Variants in SPIRE1 observed in about 807,000 individuals in gnomAD.
The protein encoded by SPIRE1 is spire type actin nucleation factor 1.
SPIRE1 carries 40 observed loss-of-function variants against 94.1 expected under a neutral mutation model. The observed-to-expected ratio is 0.43, with a 90% CI of 0.33 to 0.55. SPIRE1 has a LOEUF of 0.55. SPIRE1 is among the 20% of genes least tolerant of loss of function. SPIRE1 has a pLI of 0.06. For missense variants in SPIRE1, 838 were observed against 975.2 expected (o/e 0.86, Z 1.87); for synonymous variants, 376 against 371.7 (o/e 1.01, Z -0.13).
chr18:12,623,006 T>C lies in SPIRE1; in HGVS notation c.372+12056A>G, dbSNP rs62097151. ...GACTCTAAGAATGGCACACAACAGA[T>C]GCTCAATTAATGTGTCAATATTGTT... On this transcript the variant is annotated intron_variant, in intron 2 of 16. Transcript: ENST00000409402. 5.0e-3 allele frequency among the ~76,000 whole-genome samples: 766 copies of C among 152,304 alleles called. 6 individuals are homozygous for C. The highest frequency in any genetic ancestry group is 0.018 in the South Asian group (87 of 4,824).
At chr18:12,613,640 C>T (rs949068204) in intron 2 of SPIRE1, among the ~76,000 whole-genome samples, 1 of 152,080 alleles carries the variant, frequency 6.6e-6, no homozygotes, top group African/African-American at 2.4e-5. Context: ...TGGCTCACAC[C>T]TGTAATCCCA....
At position 12,463,405 on chromosome 18, in the gene SPIRE1, C is replaced by T. The variant is rs772327622; in HGVS notation, c.1584G>A (p.Thr528=). 1.1e-5 allele frequency: 17 copies of T among 1,613,904 alleles called. No individual in the cohort carries two copies. The highest frequency in any genetic ancestry group is 6.7e-5 in the Admixed American group (4 of 60,006). The change falls in exon 12 of 17, where the codon ACG becomes ACA. Residue 528 remains threonine (T), a synonymous_variant. Coordinates refer to ENST00000409402, the MANE Select transcript of SPIRE1 (RefSeq NM_001128626.2). ...PQRRHSIEKE[T]PTNVRQFLPP... ...GCAGGAACTGCCTCACGTTAGTAGG[C>T]GTTTCCTTTTCAATGGAATGTCGTC...
intron 12 of SPIRE1, among the ~76,000 whole-genome samples, chr18:12,461,527 G>GCACGTACA: frequency 1.4e-5 from 1 of 73,820 alleles, no homozygotes; most frequent in Non-Finnish European, 3.2e-5. Context: ...CATATGTGTG[G>GCACGTACA]TATGTACGTA....
chr18:12,550,550 T>C (rs774106069), intron 2 of SPIRE1, among the ~76,000 whole-genome samples: 2 of 152,132 alleles, frequency 1.3e-5, no homozygotes, highest in African/African-American at 4.8e-5. Flanking sequence ...TCTGCAGAGA[T>C]GAGGTCTTGC....
At chr18:12,563,931 A>G (rs2035753061) in intron 2 of SPIRE1, among the ~76,000 whole-genome samples, 1 of 152,192 alleles carries the variant, frequency 6.6e-6, no homozygotes, top group Non-Finnish European at 1.5e-5. Context: ...TTTTCTAATG[A>G]ACAAAAATCA....
chr18:12,607,226 T>G (rs2037003777), intron 2 of SPIRE1, among the ~76,000 whole-genome samples: 1 of 152,196 alleles, frequency 6.6e-6, no homozygotes, highest in Non-Finnish European at 1.5e-5. Flanking sequence ...AGCAGTTCGT[T>G]TTTTTAGAAA....
intron 12 of SPIRE1, among the ~76,000 whole-genome samples, chr18:12,454,944 T>C (rs2031440498): frequency 1.3e-5 from 2 of 152,070 alleles, no homozygotes; most frequent in South Asian, 4.1e-4. Flanking sequence ...GGTCCTTTTT[T>C]TTTTTTTCCA....
intron 1 of SPIRE1, among the ~76,000 whole-genome samples, chr18:12,651,394 T>C (rs915766428): frequency 3.3e-5 from 5 of 152,126 alleles, no homozygotes; most frequent in Admixed American, 6.6e-5. Flanking sequence ...AAACATTTTT[T>C]TGCTGGGTGC....
At chr18:12,545,682 A>G (rs1173910107) in intron 3 of SPIRE1, among the ~76,000 whole-genome samples, 1 of 152,206 alleles carries the variant, frequency 6.6e-6, no homozygotes, top group African/African-American at 2.4e-5. Context: ...ATAACCAACC[A>G]AACTTGCTTC....
rs755894289 is a variant in SPIRE1 at position 12,512,495 on chromosome 18, C to G, written c.766G>C (p.Glu256Gln). The change falls in exon 5 of 17, where the codon GAA becomes CAA. Residue 256 changes from glutamate to glutamine, a missense_variant. This residue lies in a region of SPIRE1 where 645 missense variants were observed against 804.7 expected (regional missense o/e 0.80). Coordinates refer to ENST00000409402, the MANE Select transcript of SPIRE1 (RefSeq NM_001128626.2). Reference sequence around the variant, plus strand: ...AGCTCTTCCAAGTCTGTGCTAGATTCATCGCTCTTTTCCATTTCTTGAATC... The same window carrying G: ...AGCTCTTCCAAGTCTGTGCTAGATTGATCGCTCTTTTCCATTTCTTGAATC... ...KKIQEMEKSD[E>Q]SSTDLEELKN... The G allele has an allele frequency of 1.4e-5, 22 of 1,612,536 alleles. No homozygotes were observed. The highest frequency in any genetic ancestry group is 1.8e-5 in the Non-Finnish European group (21 of 1,179,142).
intron 2 of SPIRE1, among the ~76,000 whole-genome samples, chr18:12,555,952 G>C (rs541382853): frequency 5.4e-4 from 82 of 152,138 alleles, no homozygotes; most frequent in African/African-American, 1.9e-3. Context: ...AAATCTATTA[G>C]AATTGATAAA....
At chr18:12,487,114 A>G (rs912125226) in intron 8 of SPIRE1, among the ~76,000 whole-genome samples, 3 of 152,150 alleles carry the variant, frequency 2.0e-5, no homozygotes, top group African/African-American at 7.2e-5. Flanking sequence ...CGGCCTCCCA[A>G]AATGTTGGGA....
intron 8 of SPIRE1, among the ~76,000 whole-genome samples, chr18:12,487,289 T>C (rs2033071727): frequency 6.6e-6 from 1 of 152,198 alleles, no homozygotes; most frequent in African/African-American, 2.4e-5. Flanking sequence ...GGAAAAAACA[T>C]AGTACATATA....
rs532779234 is a variant in SPIRE1 at position 12,644,077 on chromosome 18, T to TA, written c.338-8982dup. On this transcript the variant is annotated intron_variant, in intron 1 of 16. Transcript: ENST00000409402. The stretch of plus-strand genomic sequence containing the variant: ...AGCTGGGCATGATGGCACATGCCTG[T>TA]AGTCTCAGCTACTTGGGAGGCTGAG... Among the ~76,000 whole-genome samples, 230 of 149,782 alleles carry TA rather than the reference T, an allele frequency of 1.5e-3. 2 individuals carry two copies. Among genetic ancestry groups the TA allele is most frequent in the African/African-American group, 5.4e-3 (220 of 40,544 alleles).
At chr18:12,632,019 T>A (rs1035911067) in intron 2 of SPIRE1, among the ~76,000 whole-genome samples, 10 of 149,692 alleles carry the variant, frequency 6.7e-5, no homozygotes, top group African/African-American at 2.5e-4. Context: ...CACTCCAGCC[T>A]GGGTGACAGA....
chr18:12,616,043 T>G (rs12957048), intron 2 of SPIRE1, among the ~76,000 whole-genome samples: 85,047 of 152,000 alleles, frequency 0.56, 24,976 homozygotes, highest in Middle Eastern at 0.76. Context: ...TTCGTTTTTT[T>G]TTTCCAGGAA....
intron 3 of SPIRE1, among the ~76,000 whole-genome samples, chr18:12,541,464 A>T (rs372569410): frequency 3.3e-5 from 5 of 152,100 alleles, no homozygotes; most frequent in African/African-American, 1.2e-4. Flanking sequence ...TATTTGTTTG[A>T]ATGTTGTTCA....
At chr18:12,581,575 T>A (rs1213774093) in intron 2 of SPIRE1, among the ~76,000 whole-genome samples, 1 of 152,040 alleles carries the variant, frequency 6.6e-6, no homozygotes, top group African/African-American at 2.4e-5. Flanking sequence ...CAAAATTCAT[T>A]ATGACAGGCC....
At chr18:12,659,761 A>G (rs1292947987), upstream of SPIRE1, among the ~76,000 whole-genome samples, 2 of 152,166 alleles carry the variant, frequency 1.3e-5, no homozygotes, top group Non-Finnish European at 2.9e-5. Context: ...CAACCCCTTA[A>G]AGTAGCATCA....
Sources: allele counts gnomAD v4.1 joint callset (sites outside exome capture counted in the v4.1 genomes callset), GRCh38; gene constraint gnomAD v4.1.1; regional missense constraint gnomAD v4.1.1; transcripts MANE v1.5; gene names NCBI Gene and HGNC (gene_info 2026-07-23, HGNC 2026-07-21).